NEMP2: variants seen among roughly 807,000 people sequenced by gnomAD.
NEMP2 encodes UPF0571 transmembrane protein.
NEMP2 carries 53 observed loss-of-function variants against 54.2 expected under a neutral mutation model. That is an observed-to-expected ratio of 0.98 (90% CI 0.78 to 1.23). The LOEUF (loss-of-function observed/expected upper bound fraction) is 1.23. NEMP2 is among the 50% of genes most tolerant of loss of function. The pLI, the probability that NEMP2 is intolerant of heterozygous loss-of-function variation, is 0.00. For missense variants in NEMP2, 455 were observed against 511.3 expected (o/e 0.89, Z 1.06); for synonymous variants, 197 against 190.3 (o/e 1.04, Z -0.29).
the NEMP2 span, chr2:190,625,570 T>C: frequency 6.6e-6 from 1 of 152,182 alleles, no homozygotes; most frequent in Non-Finnish European, 1.5e-5. Flanking sequence ...GAATTACATC[T>C]CAATAAAGCT....
the NEMP2 span, among the ~76,000 whole-genome samples, chr2:190,586,611 T>G: frequency 6.6e-6 from 1 of 152,214 alleles, no homozygotes; most frequent in Non-Finnish European, 1.5e-5. The surrounding 1 kb of genome is among the most constrained non-coding windows in gnomAD (Gnocchi z 4.5). Flanking sequence ...AATGTTTACA[T>G]ATTTTTCTTC....
chr2:190,548,160 T>G, the NEMP2 span, among the ~76,000 whole-genome samples: 1 of 152,174 alleles, frequency 6.6e-6, no homozygotes, highest in Non-Finnish European at 1.5e-5. Context: ...AACCACATTG[T>G]GGTTGTGTCC....
At chr2:190,488,669 C>G in the NEMP2 span, 1 of 1,554,826 alleles carries the variant, frequency 6.4e-7, no homozygotes, top group Non-Finnish European at 8.7e-7. This position sits in a 1 kb window ranked among gnomAD's most constrained non-coding sequence, Gnocchi z 6.4. Context: ...GTGACACACG[C>G]GGCCATCTGG....
chr2:190,572,975 G>GT, the NEMP2 span, among the ~76,000 whole-genome samples: 10 of 150,508 alleles, frequency 6.6e-5, no homozygotes, highest in African/African-American at 2.2e-4. Context: ...GAATCTTAAT[G>GT]TTTTTGTTCC....
chr2:190,620,989 T>G, the NEMP2 span, among the ~76,000 whole-genome samples: 1 of 152,032 alleles, frequency 6.6e-6, no homozygotes, highest in African/African-American at 2.4e-5. This position sits in a 1 kb window ranked among gnomAD's most constrained non-coding sequence, Gnocchi z 4.9. Context: ...AAATGAAATT[T>G]CAAAAATTCA....
At chr2:190,579,539 CA>C in the NEMP2 span, among the ~76,000 whole-genome samples, 1 of 151,998 alleles carries the variant, frequency 6.6e-6, no homozygotes, top group African/African-American at 2.4e-5. Flanking sequence ...TTAAGTAATA[CA>C]GAATTATCTT....
chr2:190,473,041 G>T, the NEMP2 span, among the ~76,000 whole-genome samples: 8 of 152,172 alleles, frequency 5.3e-5, no homozygotes, highest in African/African-American at 1.9e-4. Context: ...AATGCTGAGA[G>T]ATTTTGTCAC....
At chr2:190,643,778 T>G in the NEMP2 span, among the ~76,000 whole-genome samples, 1 of 152,032 alleles carries the variant, frequency 6.6e-6, no homozygotes, top group Admixed American at 6.6e-5. Context: ...AATAGAAAAA[T>G]TAGCCGGGCA....
the NEMP2 span, among the ~76,000 whole-genome samples, chr2:190,602,426 A>G: frequency 6.6e-6 from 1 of 152,212 alleles, no homozygotes; most frequent in African/African-American, 2.4e-5. Context: ...TGATGCCCAC[A>G]CACATTATGG....
chr2:190,500,130 C>T (rs377605215), downstream of NEMP2: 48 of 1,614,042 alleles, frequency 3.0e-5, no homozygotes, highest in Non-Finnish European at 3.8e-5. This position sits in a 1 kb window ranked among gnomAD's most constrained non-coding sequence, Gnocchi z 5.3. Flanking sequence ...GCATCTCAGA[C>T]GCAGACCAGC....
the NEMP2 span, among the ~76,000 whole-genome samples, chr2:190,605,741 C>T: frequency 6.6e-6 from 1 of 152,188 alleles, no homozygotes; most frequent in Non-Finnish European, 1.5e-5. Flanking sequence ...TCCACATGGC[C>T]ATCTTCTATG....
At chr2:190,481,687 T>C in the NEMP2 span, among the ~76,000 whole-genome samples, 4 of 152,380 alleles carry the variant, frequency 2.6e-5, no homozygotes, top group Admixed American at 6.5e-5. Context: ...TGGCACATAA[T>C]ATAGATGCTG....
chr2:190,636,552 T>TCC, the NEMP2 span, among the ~76,000 whole-genome samples: 2 of 152,208 alleles, frequency 1.3e-5, no homozygotes, highest in African/African-American at 4.8e-5. Context: ...TAAGCGTATG[T>TCC]CGTAATGACG....
the NEMP2 span, chr2:190,609,611 T>C: frequency 5.5e-4 from 84 of 152,214 alleles, 4 homozygotes; most frequent in Non-Finnish European, 1.5e-5. This position sits in a 1 kb window ranked among gnomAD's most constrained non-coding sequence, Gnocchi z 4.7. Flanking sequence ...CAGCTTTTAA[T>C]GTTTAACCTA....
At chr2:190,646,708 A>G in the NEMP2 span, 1 of 152,274 alleles carries the variant, frequency 6.6e-6, no homozygotes, top group Admixed American at 6.5e-5. Flanking sequence ...AACTGTAGAA[A>G]CCAGATACAA....
rs555675381 is a variant in NEMP2, at chr2:190,529,073, T to C, written c.98-3695A>G. ...AAACATGAATTGGGCCCGGGTACAA[T>C]GGCTCATGCCTGTAATTTCGCTTGA... On this transcript the variant is annotated intron_variant, in intron 1 of 8. Coordinates refer to ENST00000409150, the MANE Select transcript of NEMP2 (RefSeq NM_001142645.2). This position sits in a 1 kb window ranked among gnomAD's most constrained non-coding sequence, Gnocchi z 4.7. 4.6e-5 allele frequency among the ~76,000 whole-genome samples: 7 copies of C among 152,234 alleles called. No individual in the cohort carries two copies. In the South Asian group the frequency reaches 1.2e-3, roughly 27 times the overall value.
At position 190,517,576 on chromosome 2, in the gene NEMP2, C is replaced by T. The variant is rs1372752572; in HGVS notation, c.556G>A (p.Gly186Ser). ...TFYYSSGTVL[G>S]VLMTLVFVLL... ...ACAAAGACTAATGTCATTAGAACAC[C>T]TAGCACAGTTCCCGAGGAGTAATAG... Residue 186 changes from glycine to serine, a missense_variant, in exon 5 of 9, where the codon GGT (glycine) becomes AGT (serine). Physicochemically the swap from Gly to Ser is moderately conservative, Grantham distance 56. This residue lies in a region of NEMP2 where 294 missense variants were observed against 333.6 expected (regional missense o/e 0.88). Transcript: ENST00000409150. The T allele has an allele frequency of 6.4e-7, 1 of 1,550,592 alleles. No homozygotes were observed. The highest frequency in any genetic ancestry group is 8.7e-7 in the Non-Finnish European group (1 of 1,146,550).
At chr2:190,583,231 CTTT>C in the NEMP2 span, among the ~76,000 whole-genome samples, 37 of 141,694 alleles carry the variant, frequency 2.6e-4, no homozygotes, top group Admixed American at 4.9e-4. Flanking sequence ...AGTCATAGGT[CTTT>C]TTTTTTTTTT....
the NEMP2 span, among the ~76,000 whole-genome samples, chr2:190,438,984 C>T: frequency 6.6e-6 from 1 of 152,110 alleles, no homozygotes; most frequent in Non-Finnish European, 1.5e-5. This position sits in a 1 kb window ranked among gnomAD's most constrained non-coding sequence, Gnocchi z 5.2. Flanking sequence ...CCACCAAAGT[C>T]AGGGACTGTG....
Sources: allele counts gnomAD v4.1 joint callset (sites outside exome capture counted in the v4.1 genomes callset), GRCh38; gene constraint gnomAD v4.1.1; regional missense constraint gnomAD v4.1.1; non-coding constraint Gnocchi (gnomAD v3.1); transcripts MANE v1.5; gene names NCBI Gene and HGNC (gene_info 2026-07-23, HGNC 2026-07-21).